The following WDR25 variants were observed in gnomAD, a reference collection of about 807,000 sequenced individuals.
The protein encoded by WDR25 is WD repeat domain 25.
A neutral mutation model predicts 47.7 loss-of-function variants in WDR25; 35 were observed. The ratio of observed to expected loss-of-function variants is 0.73; its 90% CI spans 0.56 to 0.97. The LOEUF (loss-of-function observed/expected upper bound fraction) is 0.97. Ranked by LOEUF, WDR25 falls within the 50% of genes least tolerant of loss-of-function variation. The pLI is 0.00. For missense variants in WDR25, 634 were observed against 704.7 expected, an observed-to-expected ratio of 0.90 and a Z score of 1.14; for synonymous variants, 248 against 278.9, an observed-to-expected ratio of 0.89 and a Z score of 1.10.
chr14:100,438,267 A>G (rs1898561025), intron 2 of WDR25, among the ~76,000 whole-genome samples: 1 of 152,226 alleles, frequency 6.6e-6, no homozygotes, highest in African/African-American at 2.4e-5. Flanking sequence ...GTTGTTTTAG[A>G]ACCCCTTCAA....
At chr14:100,528,977 G>C in intron 5 of WDR25, 91 bp from the exon 6 acceptor site, 2 of 1,450,050 alleles carry the variant, frequency 1.4e-6, no homozygotes, top group Non-Finnish European at 1.8e-6. Context: ...GAGACACCCA[G>C]CTAGGGTCTG....
intron 4 of WDR25, among the ~76,000 whole-genome samples, chr14:100,522,185 CTTTA>C (rs1276059084): frequency 6.6e-6 from 1 of 151,962 alleles, no homozygotes; most frequent in Non-Finnish European, 1.5e-5. Context: ...GTCTTTTTTA[CTTTA>C]TTTATTTATT....
In WDR25 at chr14:100,405,690, G is replaced by A. The variant is rs59327952; in HGVS notation, c.822+23944G>A. On this transcript the variant is annotated intron_variant, in intron 2 of 6. Coordinates refer to ENST00000402312, the MANE Select transcript of WDR25 (RefSeq NM_001161476.3). ...AGAGCTGGCCATCGGGAGGTGGGTG[G>A]CCTGCAGGGCCTAGCTCTGTGGCGC... 2.6e-5 allele frequency among the ~76,000 whole-genome samples: 4 copies of A among 152,358 alleles called. No homozygotes were observed. In the East Asian group the frequency reaches 7.7e-4, roughly 29 times the overall value.
intron 3 of WDR25, among the ~76,000 whole-genome samples, chr14:100,473,361 T>C (rs1010195908): frequency 2.6e-5 from 4 of 152,210 alleles, no homozygotes; most frequent in Non-Finnish European, 5.9e-5. Flanking sequence ...GATCCAGTGC[T>C]GGCATGTGAC....
At chr14:100,480,858 T>G in intron 3 of WDR25, 1 of 246,656 alleles carries the variant, frequency 4.1e-6, no homozygotes, top group Non-Finnish European at 8.1e-6. Context: ...GCTTCGATGG[T>G]GGATAAAAGT....
intron 4 of WDR25, chr14:100,487,457 A>G (rs1159975468): frequency 6.6e-6 from 1 of 152,228 alleles, no homozygotes; most frequent in Non-Finnish European, 1.5e-5. Context: ...CTTTTATACT[A>G]CAGTAGCAGA....
chr14:100,398,131 C>A (rs1459006054), intron 2 of WDR25, among the ~76,000 whole-genome samples: 1 of 152,244 alleles, frequency 6.6e-6, no homozygotes, highest in Non-Finnish European at 1.5e-5. Flanking sequence ...AACCACCACA[C>A]CCGGCCTGGA....
intron 2 of WDR25, among the ~76,000 whole-genome samples, chr14:100,441,202 C>T (rs766206627): frequency 1.3e-5 from 2 of 152,192 alleles, no homozygotes; most frequent in Non-Finnish European, 2.9e-5. Flanking sequence ...TCATTTACCA[C>T]ACAGTCATCA....
intron 2 of WDR25, among the ~76,000 whole-genome samples, chr14:100,443,401 C>T (rs1318140101): frequency 1.4e-5 from 2 of 146,878 alleles, no homozygotes; most frequent in African/African-American, 2.5e-5. Flanking sequence ...GAAAAGCCAC[C>T]GACTGAATTC....
At chr14:100,467,786 A>C (rs1899685792) in intron 2 of WDR25, among the ~76,000 whole-genome samples, 2 of 152,110 alleles carry the variant, frequency 1.3e-5, no homozygotes, top group South Asian at 2.1e-4. Context: ...ATACCCGTCC[A>C]GAATGCAGTT....
intron 4 of WDR25, among the ~76,000 whole-genome samples, chr14:100,487,017 A>T (rs1900409788): frequency 6.6e-6 from 1 of 152,162 alleles, no homozygotes; most frequent in East Asian, 1.9e-4. Flanking sequence ...TAAAAAAATT[A>T]TAAAAGCACT....
At chr14:100,443,737 CAGTT>C (rs1236799340) in intron 2 of WDR25, among the ~76,000 whole-genome samples, 1 of 152,152 alleles carries the variant, frequency 6.6e-6, no homozygotes, top group African/African-American at 2.4e-5. Context: ...AAAGTAATGA[CAGTT>C]TAATTTGTTC....
intron 2 of WDR25, among the ~76,000 whole-genome samples, chr14:100,382,360 A>G (rs766124849): frequency 1.3e-5 from 2 of 152,138 alleles, no homozygotes; most frequent in Non-Finnish European, 2.9e-5. Context: ...GGATGGGGGC[A>G]GAAGGGCGTG....
intron 5 of WDR25, among the ~76,000 whole-genome samples, chr14:100,527,055 A>G (rs938703179): frequency 8.6e-6 from 1 of 116,622 alleles, no homozygotes; most frequent in Non-Finnish European, 1.9e-5. Context: ...TATCACCACC[A>G]CCATCTCCGT....
intron 4 of WDR25, among the ~76,000 whole-genome samples, chr14:100,518,966 T>C (rs1362019984): frequency 6.6e-6 from 1 of 151,880 alleles, no homozygotes; most frequent in South Asian, 2.1e-4. Flanking sequence ...TCCCCAAAGC[T>C]CTGTTTATTT....
intron 2 of WDR25, among the ~76,000 whole-genome samples, chr14:100,437,300 T>C (rs1898530978): frequency 6.6e-6 from 1 of 152,068 alleles, no homozygotes; most frequent in Non-Finnish European, 1.5e-5. Flanking sequence ...CATCCTCTCC[T>C]CAAGAGACCC....
At position 100,529,946 on chromosome 14, in the gene WDR25, C is replaced by T. The variant is rs1483209943; in HGVS notation, c.1540C>T (p.His514Tyr). The T allele has an allele frequency of 6.2e-7, 1 of 1,613,436 alleles. No homozygotes were observed. The highest frequency in any genetic ancestry group is 2.2e-5 in the East Asian group (1 of 44,896). ...TASRACTLQGHTQACVGTTYH... is the reference protein window; with the variant it reads ...TASRACTLQGYTQACVGTTYH... ...CAGCCGAGCATGCACACTGCAGGGG[C>T]ACACACAGGCCTGTGTCGGCACCAC... is the stretch of plus-strand genomic sequence containing the variant. The change falls in exon 7 of 7, where the codon CAC becomes TAC. Residue 514 changes from histidine to tyrosine, a missense_variant. By Grantham distance (83) the His-to-Tyr change is moderately conservative. Transcript: ENST00000402312. The surrounding 1 kb of genome is among the most constrained non-coding windows in gnomAD (Gnocchi z 5.1).
chr14:100,402,684 G>A (rs1288244879), intron 2 of WDR25, among the ~76,000 whole-genome samples: 1 of 152,208 alleles, frequency 6.6e-6, no homozygotes, highest in Non-Finnish European at 1.5e-5. Flanking sequence ...CAAACTAACT[G>A]TAGCTAAATG....
intron 4 of WDR25, among the ~76,000 whole-genome samples, chr14:100,486,534 A>T (rs1158476717): frequency 6.6e-6 from 1 of 152,138 alleles, no homozygotes; most frequent in South Asian, 2.1e-4. Context: ...TCAGGGGACA[A>T]CACTCTTTCC....
Sources: gnomAD v4.1 joint callset for allele counts (sites outside exome capture counted in the v4.1 genomes callset) on GRCh38, gnomAD v4.1.1 for gene constraint, Gnocchi (gnomAD v3.1) non-coding constraint, MANE v1.5 for transcripts, NCBI Gene and HGNC (gene_info 2026-07-23, HGNC 2026-07-21) for gene names.